CRADD: variants seen among roughly 807,000 people sequenced by gnomAD.
The protein encoded by CRADD is CARD and death domain containing adaptor protein.
Under a neutral mutation model 15.5 loss-of-function variants are expected in CRADD, and 9 were observed. That is an observed-to-expected ratio of 0.58 (90% CI 0.35 to 1.01). CRADD has a LOEUF of 1.01. Ranked by LOEUF, CRADD falls within the 50% of genes least tolerant of loss-of-function variation. The pLI is 0.02. For synonymous variants in CRADD, 118 were observed against 107.6 expected, an observed-to-expected ratio of 1.10 and a Z score of -0.60; for missense variants, 227 against 250.3, an observed-to-expected ratio of 0.91 and a Z score of 0.63.
At chr12:93,738,479 T>C in intron 2 of CRADD, 1 of 702,208 alleles carries the variant, frequency 1.4e-6, no homozygotes, top group Non-Finnish European at 2.6e-6. Context: ...GCTGGCAGAG[T>C]AGGCCCCTTC....
At position 93,769,535 on chromosome 12, in the gene CRADD, C is replaced by T. The variant is rs116017287; in HGVS notation, c.299-80435C>T. Among the ~76,000 whole-genome samples, 169 of 152,268 alleles carry T rather than the reference C, an allele frequency of 1.1e-3. 1 individual carries two copies. Among genetic ancestry groups the T allele is most frequent in the African/African-American group, 3.9e-3 (163 of 41,532 alleles). ...TTATATGCCTTAGGAATGGAATTGG[C>T]AGGTGATAGGATATGTGTATGTTCA... On this transcript the variant is annotated intron_variant, in intron 2 of 2. Transcript: ENST00000332896.
chr12:93,683,284 G>A (rs1002220630), intron 2 of CRADD, among the ~76,000 whole-genome samples: 2 of 152,244 alleles, frequency 1.3e-5, no homozygotes, highest in Non-Finnish European at 2.9e-5. Context: ...GGCCCTGGCT[G>A]TGGGTCTGGG....
chr12:93,750,968 A>ATCT (rs1565900527), intron 2 of CRADD, among the ~76,000 whole-genome samples: 1 of 152,218 alleles, frequency 6.6e-6, no homozygotes. Flanking sequence ...GATAGAAACA[A>ATCT]TCTTAGTTAA....
At chr12:93,893,281 T>C (rs1008558328) in intron 2 of CRADD, among the ~76,000 whole-genome samples, 2 of 152,190 alleles carry the variant, frequency 1.3e-5, no homozygotes, top group Non-Finnish European at 2.9e-5. Flanking sequence ...TTACCAGTTT[T>C]TGTTACTAAC....
At chr12:93,731,890 A>G (rs1490138931) in intron 2 of CRADD, among the ~76,000 whole-genome samples, 1 of 152,144 alleles carries the variant, frequency 6.6e-6, no homozygotes, top group Non-Finnish European at 1.5e-5. Flanking sequence ...TAATCCCAGC[A>G]CTTTGGGAGG....
intron 2 of CRADD, among the ~76,000 whole-genome samples, chr12:93,859,604 C>T (rs550030527): frequency 6.9e-4 from 105 of 152,176 alleles, no homozygotes; most frequent in African/African-American, 2.5e-3. Context: ...CCCATGAATC[C>T]TCATGGGAGC....
chr12:93,754,897 G>GTA (rs1198555803), intron 2 of CRADD, among the ~76,000 whole-genome samples: 2 of 151,520 alleles, frequency 1.3e-5, no homozygotes, highest in Non-Finnish European at 2.9e-5. Flanking sequence ...CTCATTCCCA[G>GTA]TACCAGTTTA....
chr12:93,827,093 T>C (rs953737068), intron 2 of CRADD, among the ~76,000 whole-genome samples: 4 of 152,272 alleles, frequency 2.6e-5, no homozygotes, highest in Admixed American at 2.0e-4. Flanking sequence ...TACAGTAAAC[T>C]GCACAAGTTC....
intron 2 of CRADD, among the ~76,000 whole-genome samples, chr12:93,691,892 A>G (rs1273757760): frequency 6.6e-6 from 1 of 152,170 alleles, no homozygotes; most frequent in Non-Finnish European, 1.5e-5. Context: ...AAAAAAATCA[A>G]ATAGAAATTC....
chr12:93,887,929 G>A (rs1034675796), intron 2 of CRADD, among the ~76,000 whole-genome samples: 1 of 152,198 alleles, frequency 6.6e-6, no homozygotes, highest in African/African-American at 2.4e-5. Flanking sequence ...GGGAAATGCA[G>A]TAGATGGGTA....
chr12:93,828,235 T>A (rs1957848512), intron 2 of CRADD, among the ~76,000 whole-genome samples: 1 of 152,228 alleles, frequency 6.6e-6, no homozygotes, highest in Admixed American at 6.5e-5. Flanking sequence ...GATTTGCAAA[T>A]ATTTTTTCCT....
intron 2 of CRADD, among the ~76,000 whole-genome samples, chr12:93,690,006 C>A (rs1232498591): frequency 6.6e-6 from 1 of 152,148 alleles, no homozygotes; most frequent in Non-Finnish European, 1.5e-5. Context: ...CTTCATGTAA[C>A]ATAAAAATAG....
intron 2 of CRADD, among the ~76,000 whole-genome samples, chr12:93,834,620 C>T (rs1204540234): frequency 1.3e-5 from 2 of 152,162 alleles, no homozygotes; most frequent in Non-Finnish European, 2.9e-5. Context: ...TCCCAAGTAG[C>T]TGGGACTACA....
At chr12:93,761,484 CG>C (rs1445622963) in intron 2 of CRADD, among the ~76,000 whole-genome samples, 1 of 152,012 alleles carries the variant, frequency 6.6e-6, no homozygotes, top group Non-Finnish European at 1.5e-5. Flanking sequence ...AAGGATGACT[CG>C]TTGTTTGGGG....
At chr12:93,885,097 C>T (rs1958527022) in intron 2 of CRADD, among the ~76,000 whole-genome samples, 1 of 152,130 alleles carries the variant, frequency 6.6e-6, no homozygotes, top group African/African-American at 2.4e-5. Context: ...TATTGTCTTC[C>T]CTGTTTTTCG....
intron 2 of CRADD, among the ~76,000 whole-genome samples, chr12:93,681,630 C>T (rs931438447): frequency 3.3e-5 from 5 of 152,016 alleles, no homozygotes; most frequent in Non-Finnish European, 5.9e-5. Context: ...AATGGTACAG[C>T]GAACACCCGT....
intron 2 of CRADD, among the ~76,000 whole-genome samples, chr12:93,870,652 CAT>C (rs1396429854): frequency 2.6e-5 from 4 of 152,164 alleles, no homozygotes; most frequent in Admixed American, 1.3e-4. Context: ...CCAGCCAACT[CAT>C]AGGGTGGAGG....
rs922463055 is a variant in CRADD at position 93,779,642 on chromosome 12, T to C, written c.299-70328T>C. 1.1e-4 allele frequency among the ~76,000 whole-genome samples: 16 copies of C among 147,550 alleles called. 1 individual carries two copies. The highest frequency in any genetic ancestry group is 4.0e-4 in the African/African-American group (16 of 40,160). On this transcript the variant is annotated intron_variant, in intron 2 of 2. Coordinates refer to ENST00000332896, the MANE Select transcript of CRADD (RefSeq NM_003805.5). ...TCTCACTCTGTCACCCAGGCTGGAG[T>C]GCAGTGGTGCAATCTCGGCCCACTG...
intron 2 of CRADD, among the ~76,000 whole-genome samples, chr12:93,699,209 G>T (rs1249091622): frequency 6.6e-6 from 1 of 152,130 alleles, no homozygotes; most frequent in East Asian, 1.9e-4. Flanking sequence ...TTTCTTCAGG[G>T]TAAACTTTTC....
Sources: gnomAD v4.1 joint callset for allele counts (sites outside exome capture counted in the v4.1 genomes callset) on GRCh38, gnomAD v4.1.1 for gene constraint, MANE v1.5 for transcripts, NCBI Gene and HGNC (gene_info 2026-07-23, HGNC 2026-07-21) for gene names.